Variants in ZBTB46 observed in about 807,000 individuals in gnomAD.
ZBTB46 encodes the protein zinc finger and BTB domain containing 46, also known as zinc finger and BTB domain-containing protein 46.
ZBTB46 carries 8 observed loss-of-function variants against 44.1 expected under a neutral mutation model. That is an observed-to-expected ratio of 0.18 (90% CI 0.11 to 0.33). The LOEUF is 0.33. Ranked by LOEUF, ZBTB46 falls within the 10% of genes least tolerant of loss-of-function variation. ZBTB46 has a pLI of 1.00. For synonymous variants in ZBTB46, 409 were observed against 382.3 expected, an observed-to-expected ratio of 1.07 and a Z score of -0.81; for missense variants, 651 against 847.7, an observed-to-expected ratio of 0.77 and a Z score of 2.88.
intron 2 of ZBTB46, among the ~76,000 whole-genome samples, chr20:63,780,707 C>G (rs1383562147): frequency 6.6e-6 from 1 of 151,468 alleles, no homozygotes; most frequent in East Asian, 1.9e-4. Flanking sequence ...GAGGCTGAGG[C>G]AGGAGAATGG....
chr20:63,812,061 G>A (rs537421895), intron 1 of ZBTB46, among the ~76,000 whole-genome samples: 1 of 151,994 alleles, frequency 6.6e-6, no homozygotes, highest in Non-Finnish European at 1.5e-5. Flanking sequence ...CGATCTTTTC[G>A]GAACAAAACT....
upstream of ZBTB46, among the ~76,000 whole-genome samples, chr20:63,832,836 C>T (rs1443200752): frequency 6.6e-6 from 1 of 152,142 alleles, no homozygotes; most frequent in Non-Finnish European, 1.5e-5. This position sits in a 1 kb window ranked among gnomAD's most constrained non-coding sequence, Gnocchi z 5.0. Flanking sequence ...AGGCGGCTTC[C>T]AGGAGGGTCT....
intron 3 of ZBTB46, among the ~76,000 whole-genome samples, chr20:63,753,831 G>A (rs1472405786): frequency 6.6e-6 from 1 of 152,258 alleles, no homozygotes; most frequent in African/African-American, 2.4e-5. Context: ...ACGTTTCTGT[G>A]TTTTCACCCT....
intron 2 of ZBTB46, among the ~76,000 whole-genome samples, chr20:63,789,514 C>T (rs1233836142): frequency 2.0e-5 from 3 of 152,202 alleles, no homozygotes; most frequent in Non-Finnish European, 2.9e-5. Flanking sequence ...CGGTGTCACC[C>T]ACCCCCCGGC....
intron 3 of ZBTB46, among the ~76,000 whole-genome samples, chr20:63,772,721 A>AC (rs2092385163): frequency 2.0e-5 from 2 of 101,100 alleles, no homozygotes; most frequent in Admixed American, 1.1e-4. Flanking sequence ...CCTGTCTCAA[A>AC]AACACACACA....
chr20:63,814,829 C>T (rs980440484), intron 1 of ZBTB46: 2 of 152,600 alleles, frequency 1.3e-5, no homozygotes, highest in Admixed American at 6.5e-5. Flanking sequence ...CCTCACAAAT[C>T]AAACTTTCCT....
At chr20:63,833,137 C>T (rs1600746199), upstream of ZBTB46, among the ~76,000 whole-genome samples, 1 of 152,208 alleles carries the variant, frequency 6.6e-6, no homozygotes, top group African/African-American at 2.4e-5. Flanking sequence ...TTTGCCATGT[C>T]CGTTGTCCAT....
intron 3 of ZBTB46, among the ~76,000 whole-genome samples, chr20:63,758,507 A>G (rs1207726658): frequency 1.4e-5 from 2 of 147,602 alleles, no homozygotes; most frequent in Non-Finnish European, 3.0e-5. Flanking sequence ...TGAGTGTAAC[A>G]AACTTCTTCC....
chr20:63,750,692 G>A (rs942482608), intron 4 of ZBTB46, among the ~76,000 whole-genome samples: 1 of 152,114 alleles, frequency 6.6e-6, no homozygotes, highest in African/African-American at 2.4e-5. Flanking sequence ...CTCACTTGAG[G>A]CCAGGAGTTC....
intron 3 of ZBTB46, among the ~76,000 whole-genome samples, chr20:63,770,699 G>A (rs1298173867): frequency 8.1e-6 from 1 of 123,618 alleles, no homozygotes; most frequent in Non-Finnish European, 1.8e-5. Flanking sequence ...ACGGCCGGAC[G>A]CTGTTTGTTG....
chr20:63,783,355 A>G (rs2148803), intron 2 of ZBTB46, among the ~76,000 whole-genome samples: 139,418 of 152,242 alleles, frequency 0.92, 63,950 homozygotes, highest in East Asian at 0.99. Flanking sequence ...CTTGAACCCG[A>G]GAGGCAGAGA....
At chr20:63,794,303 T>G (rs2092584427) in intron 1 of ZBTB46, among the ~76,000 whole-genome samples, 1 of 152,142 alleles carries the variant, frequency 6.6e-6, no homozygotes, top group Non-Finnish European at 1.5e-5. Context: ...GCAATCCTCT[T>G]GCCTCAGCCA....
intron 1 of ZBTB46, chr20:63,816,557 G>C (rs955044177): frequency 6.6e-6 from 1 of 152,420 alleles, no homozygotes; most frequent in African/African-American, 2.4e-5. Context: ...GCAGCGTCAA[G>C]GATACAGTGG....
At chr20:63,761,925 G>A (rs2092281419) in intron 3 of ZBTB46, among the ~76,000 whole-genome samples, 1 of 152,164 alleles carries the variant, frequency 6.6e-6, no homozygotes, top group African/African-American at 2.4e-5. Flanking sequence ...AGTTTGCTAA[G>A]GTCAGAGAAT....
rs1568850348 is a variant in ZBTB46, at chr20:63,772,754, CA to C, written c.1222+2923del. ...ACACACACACACACACACACACACA[CA>C]CACACACACACAGAAGTGCGGGGTG... is the stretch of plus-strand genomic sequence containing the variant. On this transcript the variant is annotated intron_variant, in intron 3 of 4. Transcript: ENST00000245663. Among the ~76,000 whole-genome samples the C allele has an allele frequency of 8.6e-3, 530 of 61,304 alleles. 4 individuals are homozygous for C. The highest frequency in any genetic ancestry group is 0.025 in the African/African-American group (379 of 15,156). The allele number at this position is 61,304 out of a possible 152,430, so 40.2% of individuals were successfully genotyped here.
At chr20:63,769,787 G>A (rs899238668) in intron 3 of ZBTB46, among the ~76,000 whole-genome samples, 32 of 152,154 alleles carry the variant, frequency 2.1e-4, no homozygotes, top group Non-Finnish European at 2.2e-4. Context: ...TTCCAGTCTC[G>A]ATCCAGAATC....
chr20:63,790,641 G>C lies in ZBTB46; in HGVS notation c.117C>G (p.Gly39=). The C allele has an allele frequency of 1.2e-6, 2 of 1,611,578 alleles. No homozygotes were observed. The highest frequency in any genetic ancestry group is 1.7e-6 in the Non-Finnish European group (2 of 1,180,026). The change falls in exon 2 of 5, where the codon GGC becomes GGG. Residue 39 remains glycine (G), a synonymous_variant. Transcript: ENST00000245663. ...CGTTCTTGTGCGCCTTGAAGACCTT[G>C]CCCTCCACGACCACGCAGACGTCGC... is the stretch of plus-strand genomic sequence containing the variant. ...VLCDVCVVVE[G]KVFKAHKNVL...
At chr20:63,770,891 G>A (rs2092363581) in intron 3 of ZBTB46, among the ~76,000 whole-genome samples, 1 of 152,130 alleles carries the variant, frequency 6.6e-6, no homozygotes, top group South Asian at 2.1e-4. Flanking sequence ...GCTAACAAGA[G>A]GCCCAGCCCT....
chr20:63,785,910 C>CA (rs766539246), intron 2 of ZBTB46, among the ~76,000 whole-genome samples: 36 of 152,240 alleles, frequency 2.4e-4, no homozygotes, highest in Non-Finnish European at 4.7e-4. Flanking sequence ...CAGCCAAAAT[C>CA]ACTTGTTGGA....
Sources: gnomAD v4.1 joint callset for allele counts (sites outside exome capture counted in the v4.1 genomes callset) on GRCh38, gnomAD v4.1.1 for gene constraint, Gnocchi (gnomAD v3.1) non-coding constraint, MANE v1.5 for transcripts, NCBI Gene and HGNC (gene_info 2026-07-23, HGNC 2026-07-21) for gene names.